ABCF2: variants seen among roughly 807,000 people sequenced by gnomAD.
ABCF2 encodes ATP binding cassette subfamily F member 2, also known as ATP-binding cassette sub-family F member 2.
Under a neutral mutation model 76.9 loss-of-function variants are expected in ABCF2, and 37 were observed. The observed-to-expected ratio is 0.48, with a 90% confidence interval of 0.37 to 0.63. ABCF2 has a LOEUF of 0.63. ABCF2 is among the 30% of genes least tolerant of loss of function. The pLI is 0.00. For synonymous variants in ABCF2, 299 were observed against 283.7 expected, an observed-to-expected ratio of 1.05 and a Z score of -0.54; for missense variants, 524 against 782.1, an observed-to-expected ratio of 0.67 and a Z score of 3.94.
In ABCF2 at chr7:151,212,192, G is replaced by C. The variant is rs1247766244; in HGVS notation, c.*1862C>G. 1 of 985,290 alleles carries C rather than the reference G, an allele frequency of 1.0e-6. No homozygotes were observed. The highest frequency in any genetic ancestry group is 1.2e-6 in the Non-Finnish European group (1 of 829,900). The allele number at this position is 985,290 out of a possible 1,614,324, so 61.0% of individuals were successfully genotyped here. A position where few individuals can be genotyped will look rare whatever the true frequency, so the allele number is the denominator to read the frequency against. On this transcript the variant is annotated 3_prime_UTR_variant, in exon 15 of 15. Coordinates refer to ENST00000287844, the MANE Select transcript of ABCF2 (RefSeq NM_007189.3). ...TTATGAGTACTGAAAAATCATGGCTGTGTCTTCCCATAGGGATGGCTGATT... is the reference window on the plus strand; with the variant it reads ...TTATGAGTACTGAAAAATCATGGCTCTGTCTTCCCATAGGGATGGCTGATT...
chr7:151,217,346 C>A (rs1266680003), intron 11 of ABCF2, among the ~76,000 whole-genome samples: 1 of 152,114 alleles, frequency 6.6e-6, no homozygotes, highest in Non-Finnish European at 1.5e-5. Flanking sequence ...CAGAGAAAAC[C>A]CATGTAGACG....
chr7:151,226,416 CCTT>C lies in ABCF2; in HGVS notation c.40_42del (p.Lys14del), dbSNP rs1563620205. 3.1e-6 allele frequency: 5 copies of C among 1,614,108 alleles called. No individual in the cohort carries two copies. In the Admixed American group the frequency reaches 5.0e-5, roughly 16 times the overall value. On this transcript the variant is annotated inframe_deletion, in exon 2 of 15. Coordinates refer to ENST00000287844, the MANE Select transcript of ABCF2 (RefSeq NM_007189.3). ...GGCCGCTGTCGAGCTTTGGCAGCCTCCTTCTTTTTGGCTGCCTTCTTCTTGGCC... is the reference window on the plus strand; with the variant it reads ...GGCCGCTGTCGAGCTTTGGCAGCCTCCTTTTTGGCTGCCTTCTTCTTGGCC...
At chr7:151,221,476 A>G (rs1480089723) in intron 7 of ABCF2, 102 bp downstream of exon 7, 10 of 840,994 alleles carry the variant, frequency 1.2e-5, no homozygotes, top group Admixed American at 7.0e-5. Context: ...TGCTGGGATT[A>G]CAGGCATGAG....
chr7:151,219,426 G>C (rs536822140), intron 7 of ABCF2, among the ~76,000 whole-genome samples: 3 of 152,202 alleles, frequency 2.0e-5, no homozygotes, highest in South Asian at 2.1e-4. Flanking sequence ...GTGGCACTGG[G>C]AATAGTCCTG....
chr7:151,218,221 C>T (rs1802191426), intron 10 of ABCF2, 30 bp from the exon 11 acceptor site: 1 of 1,479,190 alleles, frequency 6.8e-7, no homozygotes, highest in African/African-American at 1.4e-5. Flanking sequence ...GATGTGGACA[C>T]AAGGCTAGAA....
Position 151,218,149 on chromosome 7 carries a change from T to C in ABCF2, c.1270A>G (p.Thr424Ala). The C allele has an allele frequency of 6.2e-7, 1 of 1,614,168 alleles. No homozygotes were observed. Among genetic ancestry groups the C allele is most frequent in the Non-Finnish European group, 8.5e-7 (1 of 1,180,008 alleles). ...TTGGGCCCTACCAGAGCCACTCGTGTGTCAAGGTCAATTCCAAATTCTAGA... is the reference window on the plus strand; with the variant it reads ...TTGGGCCCTACCAGAGCCACTCGTGCGTCAAGGTCAATTCCAAATTCTAGA... The part of the protein sequence containing the change: ...NNLEFGIDLD[T>A]RVALVGPNGA... Residue 424 changes from threonine to alanine, a missense_variant, in exon 11 of 15, where the codon ACA becomes GCA. Physicochemically the swap from Thr to Ala is moderately conservative, Grantham distance 58. Coordinates refer to ENST00000287844, the MANE Select transcript of ABCF2 (RefSeq NM_007189.3).
At position 151,212,280 on chromosome 7, in the gene ABCF2, T is replaced by C; in HGVS notation, c.*1774A>G. ...GCCACTGGTGAAATGCTATTGAAGT[T>C]CAAAAGACCCAGATAAGGTATGCAG... On this transcript the variant is annotated 3_prime_UTR_variant, in exon 15 of 15. Coordinates refer to ENST00000287844, the MANE Select transcript of ABCF2 (RefSeq NM_007189.3). The C allele has an allele frequency of 1.0e-6, 1 of 985,404 alleles. No individual in the cohort carries two copies. 61.0% of individuals were successfully genotyped at this position (985,404 alleles called of 1,614,324 possible).
chr7:151,218,277 T>A (rs1463903101), intron 10 of ABCF2, 86 bp from the exon 11 acceptor site: 1 of 981,588 alleles, frequency 1.0e-6, no homozygotes, highest in Non-Finnish European at 1.6e-6. Context: ...GAATTCCCAG[T>A]CACCAAGAGA....
chr7:151,211,830 G>C lies in ABCF2; in HGVS notation c.*2224C>G. ...CTTAAGGCATAAAGCAGTCAAGCCA[G>C]TACCCTCTGGGGTCAGAGGACTCCC... On this transcript the variant is annotated 3_prime_UTR_variant, in exon 15 of 15. Transcript: ENST00000287844. The C allele has an allele frequency of 1.0e-6, 1 of 985,436 alleles. No individual in the cohort carries two copies. The highest frequency in any genetic ancestry group is 6.1e-5 in the Admixed American group (1 of 16,284). The allele number at this position is 985,436 out of a possible 1,614,324, so 61.0% of individuals were successfully genotyped here.
intron 11 of ABCF2, among the ~76,000 whole-genome samples, chr7:151,217,799 A>G (rs1802181828): frequency 6.6e-6 from 1 of 152,096 alleles, no homozygotes; most frequent in African/African-American, 2.4e-5. Context: ...CTCAAAAAAA[A>G]AAAAAGAAAA....
At chr7:151,222,159 G>C (rs1336094755) in intron 6 of ABCF2, among the ~76,000 whole-genome samples, 3 of 151,984 alleles carry the variant, frequency 2.0e-5, no homozygotes, top group Non-Finnish European at 4.4e-5. Context: ...TGACCATATT[G>C]GCTATATTTT....
intron 5 of ABCF2, among the ~76,000 whole-genome samples, chr7:151,223,124 A>G (rs1372956286): frequency 6.6e-6 from 1 of 152,138 alleles, no homozygotes; most frequent in Non-Finnish European, 1.5e-5. Context: ...CACTGTGCTT[A>G]TACTCTAAGG....
At chr7:151,222,993 G>T (rs960186788) in intron 5 of ABCF2, among the ~76,000 whole-genome samples, 1 of 152,186 alleles carries the variant, frequency 6.6e-6, no homozygotes, top group African/African-American at 2.4e-5. Flanking sequence ...CCTATCTTGT[G>T]GGGTGGCCAG....
chr7:151,214,803 C>T lies in ABCF2; in HGVS notation c.1734+76G>A. 1 of 1,423,828 alleles carries T rather than the reference C, an allele frequency of 7.0e-7. No homozygotes were observed. The highest frequency in any genetic ancestry group is 9.9e-7 in the Non-Finnish European group (1 of 1,013,470). The allele number at this position is 1,423,828 out of a possible 1,614,324, so 88.2% of individuals were successfully genotyped here. On this transcript the variant is annotated intron_variant, in intron 14 of 14. Coordinates refer to ENST00000287844, the MANE Select transcript of ABCF2 (RefSeq NM_007189.3). This position sits in a 1 kb window ranked among gnomAD's most constrained non-coding sequence, Gnocchi z 4.9. ...TAATTCAGTAGGCGGGTATTATGCA[C>T]CCTCCACATGCCATGACTACCCTAC...
Position 151,215,020 on chromosome 7 carries a change from G to C in ABCF2, c.1593C>G (p.Ala531=). The change falls in exon 14 of 15, where the codon GCC becomes GCG. Residue 531 remains alanine, a synonymous_variant. Coordinates refer to ENST00000287844, the MANE Select transcript of ABCF2 (RefSeq NM_007189.3). This position sits in a 1 kb window ranked among gnomAD's most constrained non-coding sequence, Gnocchi z 4.6. The part of the protein sequence containing the change: ...QKCRVCLAWL[A]WQNPHMLFLD... ...GGAAGAGCATGTGGGGGTTCTGCCA[G>C]GCCAGCCAGGCCAGACACACTCGGC... 1 of 1,614,184 alleles carries C rather than the reference G, an allele frequency of 6.2e-7. No individual in the cohort carries two copies. The highest frequency in any genetic ancestry group is 8.5e-7 in the Non-Finnish European group (1 of 1,180,026).
intron 7 of ABCF2, 123 bp downstream of exon 7, chr7:151,221,455 G>A (rs1397538822): frequency 1.5e-6 from 1 of 646,576 alleles, no homozygotes; most frequent in African/African-American, 1.9e-5. Flanking sequence ...ACCCACCTCG[G>A]CCTCCCAAAG....
Position 151,214,071 on chromosome 7 carries a change from T to G in ABCF2, c.1855A>C (p.Arg619=), listed in dbSNP as rs1215192349. 1 of 1,613,898 alleles carries G rather than the reference T, an allele frequency of 6.2e-7. No homozygotes were observed. Among genetic ancestry groups the G allele is most frequent in the African/African-American group, 1.3e-5 (1 of 74,928 alleles). The change falls in exon 15 of 15, where the codon AGG becomes CGG. Residue 619 remains arginine (R), a synonymous_variant. Coordinates refer to ENST00000287844, the MANE Select transcript of ABCF2 (RefSeq NM_007189.3). The surrounding 1 kb of genome is among the most constrained non-coding windows in gnomAD (Gnocchi z 4.9). ...LVDEEPQLTK[R]THNV ...TAGAGGGCTCACACGTTGTGGGTCC[T>G]CTTGGTGAGCTGGGGCTCCTCATCC...
chr7:151,225,573 T>C (rs984391459), intron 2 of ABCF2, among the ~76,000 whole-genome samples: 1 of 152,240 alleles, frequency 6.6e-6, no homozygotes, highest in Non-Finnish European at 1.5e-5. Context: ...CAAATGTAGC[T>C]AGCAAAAACA....
At position 151,223,895 on chromosome 7, in the gene ABCF2, A is replaced by G. The variant is rs1338722185; in HGVS notation, c.550+37T>C. On this transcript the variant is annotated intron_variant, in intron 4 of 14. Transcript: ENST00000287844. ...TGAGGCTCCTGGGGGCCTTTCTGGG[A>G]GGACGCCCACCCCTATGCCCAGGTC... 3 of 1,605,380 alleles carry G rather than the reference A, an allele frequency of 1.9e-6. No homozygotes were observed. The East Asian group carries it at 6.7e-5, about 36-fold the overall frequency.
Sources: allele counts gnomAD v4.1 joint callset (sites outside exome capture counted in the v4.1 genomes callset), GRCh38; gene constraint gnomAD v4.1.1; non-coding constraint Gnocchi (gnomAD v3.1); transcripts MANE v1.5; gene names NCBI Gene and HGNC (gene_info 2026-07-23, HGNC 2026-07-21).